DCLK2: variants seen among roughly 807,000 people sequenced by gnomAD.
DCLK2 encodes the protein serine/threonine-protein kinase DCLK2.
DCLK2 carries 31 observed loss-of-function variants against 78.4 expected under a neutral mutation model. That is an observed-to-expected ratio of 0.40 (90% CI 0.30 to 0.53). The LOEUF is 0.53. Among genes scored for constraint, DCLK2 ranks in the 20% least tolerant of loss-of-function variants. The pLI is 0.61. For synonymous variants in DCLK2, 407 were observed against 374.9 expected, an observed-to-expected ratio of 1.09 and a Z score of -0.99; for missense variants, 872 against 973.7, an observed-to-expected ratio of 0.90 and a Z score of 1.39.
chr4:150,210,210 C>T (rs1345935233), intron 5 of DCLK2, among the ~76,000 whole-genome samples: 2 of 152,182 alleles, frequency 1.3e-5, no homozygotes, highest in African/African-American at 4.8e-5. Flanking sequence ...TAGGACCTAC[C>T]GCACAGGATT....
intron 8 of DCLK2, among the ~76,000 whole-genome samples, chr4:150,230,434 AT>A (rs1250121539): frequency 1.3e-5 from 2 of 152,190 alleles, no homozygotes; most frequent in Non-Finnish European, 2.9e-5. Flanking sequence ...AGAGGCGAAT[AT>A]ATAGACTCTT....
intron 15 of DCLK2, among the ~76,000 whole-genome samples, chr4:150,250,264 C>T (rs1377792712): frequency 6.6e-6 from 1 of 152,074 alleles, no homozygotes; most frequent in Admixed American, 6.5e-5. Flanking sequence ...TTTTTTCAGC[C>T]TTTTCTTCTT....
At position 150,219,258 on chromosome 4, in the gene DCLK2, C is replaced by CTTTTTTT. The variant is rs375592229; in HGVS notation, c.1057-1424_1057-1418dup. 8.9e-4 allele frequency among the ~76,000 whole-genome samples: 64 copies of CTTTTTTT among 72,138 alleles called. 1 individual carries two copies. Among genetic ancestry groups the CTTTTTTT allele is most frequent in the South Asian group, 1.8e-3 (3 of 1,708 alleles). The allele number at this position is 72,138 out of a possible 152,430, so 47.3% of individuals were successfully genotyped here. On this transcript the variant is annotated intron_variant, in intron 5 of 15. Transcript: ENST00000296550. ...TTACATTCAACAGTTCACAAACATT[C>CTTTTTTT]TTTTTTTTTTTTTTTTTTTTTTTTT...
chr4:150,248,514 A>C (rs1743501052), intron 14 of DCLK2, 129 bp downstream of exon 14: 1 of 755,898 alleles, frequency 1.3e-6, no homozygotes. Context: ...TGTCTGTCCC[A>C]TTGAGCAAGT....
At chr4:150,219,086 C>T (rs538050371) in intron 5 of DCLK2, among the ~76,000 whole-genome samples, 9 of 151,998 alleles carry the variant, frequency 5.9e-5, no homozygotes, top group Admixed American at 1.3e-4. Flanking sequence ...TACCTGTAGT[C>T]CCAGCTACTT....
At chr4:150,254,060 G>A (rs932547246) in intron 15 of DCLK2, among the ~76,000 whole-genome samples, 3 of 152,218 alleles carry the variant, frequency 2.0e-5, no homozygotes, top group African/African-American at 4.8e-5. Context: ...CTTAGCATGC[G>A]TAAGAAAGGA....
In DCLK2 at chr4:150,102,561, A is replaced by G; in HGVS notation, c.505A>G (p.Ile169Val). ...KNINPNWSVN[I>V]KGGTSRALAA... The stretch of plus-strand genomic sequence containing the variant: ...TATTAATCCAAACTGGTCTGTGAAC[A>G]TCAAGGGTGGGACATCCCGAGCGCT... Residue 169 changes from isoleucine (I) to valine (V), a missense_variant, in exon 2 of 16, where the codon ATC becomes GTC. This residue lies in a region of DCLK2 where 567 missense variants were observed against 593.4 expected (regional missense o/e 0.96). Coordinates refer to ENST00000296550, the MANE Select transcript of DCLK2 (RefSeq NM_001040260.4). 1.9e-6 allele frequency: 3 copies of G among 1,614,208 alleles called. No individual in the cohort carries two copies. The highest frequency in any genetic ancestry group is 2.5e-6 in the Non-Finnish European group (3 of 1,180,028).
At chr4:150,080,250 A>G (rs1411641351) in intron 1 of DCLK2, among the ~76,000 whole-genome samples, 3 of 152,192 alleles carry the variant, frequency 2.0e-5, no homozygotes, top group African/African-American at 4.8e-5. Flanking sequence ...CCTAATTAGA[A>G]TGATAGAGGC....
chr4:150,098,698 CTTTTTTTT>C (rs59616581), intron 1 of DCLK2, among the ~76,000 whole-genome samples: 2 of 129,106 alleles, frequency 1.5e-5, no homozygotes, highest in Non-Finnish European at 3.2e-5. Context: ...TTTTCTTTTT[CTTTTTTTT>C]TTTTTTTTGG....
chr4:150,142,000 T>A (rs1734143090), intron 2 of DCLK2, among the ~76,000 whole-genome samples: 1 of 152,238 alleles, frequency 6.6e-6, no homozygotes, highest in South Asian at 2.1e-4. Flanking sequence ...AGGAAAAATT[T>A]CTGTAACAAT....
At chr4:150,122,964 C>T (rs1580543997) in intron 2 of DCLK2, among the ~76,000 whole-genome samples, 3 of 152,222 alleles carry the variant, frequency 2.0e-5, no homozygotes, top group Non-Finnish European at 2.9e-5. Flanking sequence ...TTTGTCACCA[C>T]TCTCAGCCTT....
rs79132706 is a variant in DCLK2, at chr4:150,153,173, C to G, written c.757-39965C>G. The stretch of plus-strand genomic sequence containing the variant: ...GAAGGATCTACCATTGCAGATCCCA[C>G]CATTGCTATGCATGCTTGTTTGCCT... On this transcript the variant is annotated intron_variant, in intron 2 of 15. Coordinates refer to ENST00000296550, the MANE Select transcript of DCLK2 (RefSeq NM_001040260.4). Among the ~76,000 whole-genome samples, 1,075 of 152,264 alleles carry G rather than the reference C, an allele frequency of 7.1e-3. 5 individuals are homozygous for G. Among genetic ancestry groups the G allele is most frequent in the Non-Finnish European group, 0.011 (755 of 68,018 alleles).
At chr4:150,102,918 C>A in intron 2 of DCLK2, 106 bp downstream of exon 2, 1 of 1,055,972 alleles carries the variant, frequency 9.5e-7, no homozygotes, top group Non-Finnish European at 1.3e-6. Context: ...AGAAATCCTT[C>A]TGGGAGTCAT....
intron 2 of DCLK2, among the ~76,000 whole-genome samples, chr4:150,112,876 T>C (rs984517648): frequency 1.5e-5 from 2 of 133,268 alleles, no homozygotes; most frequent in Non-Finnish European, 3.1e-5. Context: ...AGTGGTGTGA[T>C]CTTGGCTCAC....
chr4:150,101,485 T>A (rs1284134108), intron 1 of DCLK2, among the ~76,000 whole-genome samples: 1 of 152,130 alleles, frequency 6.6e-6, no homozygotes, highest in Admixed American at 6.6e-5. Flanking sequence ...CATGTTAATA[T>A]TGTTAACGAT....
At chr4:150,222,865 C>CAAAAAAAAA (rs879903066) in intron 7 of DCLK2, among the ~76,000 whole-genome samples, 1 of 123,232 alleles carries the variant, frequency 8.1e-6, no homozygotes. Context: ...GACTGTGTCT[C>CAAAAAAAAA]AAAAAAAAAA....
intron 2 of DCLK2, among the ~76,000 whole-genome samples, chr4:150,128,397 G>A (rs1371197946): frequency 6.6e-6 from 1 of 152,120 alleles, no homozygotes; most frequent in Non-Finnish European, 1.5e-5. Flanking sequence ...AATCAAATAG[G>A]TAGGCAAGGA....
chr4:150,193,077 T>A (rs1183430107), intron 2 of DCLK2, 61 bp from the exon 3 acceptor site: 16 of 990,712 alleles, frequency 1.6e-5, no homozygotes, highest in Non-Finnish European at 2.2e-5. Context: ...CATTTAGTTT[T>A]GCTTTTCATT....
At chr4:150,254,507 AAAG>A (rs1430516914) in intron 15 of DCLK2, 2 of 398,700 alleles carry the variant, frequency 5.0e-6, no homozygotes, top group Non-Finnish European at 8.8e-6. Flanking sequence ...CAGGAAGAGA[AAAG>A]GAGAAATAAC....
Sources: allele counts gnomAD v4.1 joint callset (sites outside exome capture counted in the v4.1 genomes callset), GRCh38; gene constraint gnomAD v4.1.1; regional missense constraint gnomAD v4.1.1; transcripts MANE v1.5; gene names NCBI Gene and HGNC (gene_info 2026-07-23, HGNC 2026-07-21).